The following PRKCH variants were observed in gnomAD, a reference collection of about 807,000 sequenced individuals.
The protein encoded by PRKCH is protein kinase C eta, also known as protein kinase C eta type.
A neutral mutation model predicts 82.5 loss-of-function variants in PRKCH; 28 were observed. The ratio of observed to expected loss-of-function variants is 0.34; its 90% confidence interval spans 0.25 to 0.47. The LOEUF (loss-of-function observed/expected upper bound fraction) is 0.47. Among genes scored for constraint, PRKCH ranks in the 20% least tolerant of loss-of-function variants. PRKCH has a pLI of 1.00. For synonymous variants in PRKCH, 322 were observed against 327.4 expected (o/e 0.98, Z 0.18); for missense variants, 705 against 881.8 (o/e 0.80, Z 2.54).
chr14:61,280,312 G>A lies in PRKCH; in HGVS notation c.-19+92644G>A. On this transcript the variant is annotated intron_variant, in intron 1 of 3. Transcript: ENST00000555185. The surrounding 1 kb of genome is among the most constrained non-coding windows in gnomAD (Gnocchi z 5.0). ...GATGTTGACGCGGTAGGCGCCCCGC[G>A]GCAGCCCGGCCGAGTAGTTGCCCTG... The A allele has an allele frequency of 6.2e-7, 1 of 1,613,904 alleles. No homozygotes were observed. Among genetic ancestry groups the A allele is most frequent in the Non-Finnish European group, 8.5e-7 (1 of 1,179,980 alleles).
At chr14:61,499,050 C>T (rs1468338444) in intron 10 of PRKCH, among the ~76,000 whole-genome samples, 4 of 152,068 alleles carry the variant, frequency 2.6e-5, no homozygotes, top group African/African-American at 7.3e-5. Flanking sequence ...TAGACCGAGG[C>T]GTTGTCATGC....
rs577792318 is a variant in PRKCH, at chr14:61,510,416, G to T, written c.1434-18659G>T. On this transcript the variant is annotated intron_variant, in intron 10 of 13. Coordinates refer to ENST00000332981, the MANE Select transcript of PRKCH (RefSeq NM_006255.5). Reference sequence around the variant, plus strand: ...GGGCAAGCCAGTAATGGTGGGAAGAGAAAGGAAAAGAGGAGGGGGAGCGAT... The same window carrying T: ...GGGCAAGCCAGTAATGGTGGGAAGATAAAGGAAAAGAGGAGGGGGAGCGAT... Among the ~76,000 whole-genome samples, 6 of 152,116 alleles carry T rather than the reference G, an allele frequency of 3.9e-5. No homozygotes were observed. In the East Asian group the frequency reaches 1.2e-3, roughly 29 times the overall value.
chr14:61,457,400 C>T, intron 8 of PRKCH, 81 bp downstream of exon 8: 1 of 1,587,214 alleles, frequency 6.3e-7, no homozygotes, highest in Non-Finnish European at 8.6e-7. Context: ...CACGCATGCG[C>T]ACATACTCAC....
chr14:61,430,104 T>C (rs1275546569), intron 2 of PRKCH, among the ~76,000 whole-genome samples: 7 of 152,110 alleles, frequency 4.6e-5, no homozygotes, highest in Non-Finnish European at 1.0e-4. Flanking sequence ...TCCCCCTAAA[T>C]AAAGTCATGA....
intron 1 of PRKCH, chr14:61,354,080 G>A (rs2140152630): frequency 6.6e-6 from 1 of 152,240 alleles, no homozygotes; most frequent in African/African-American, 2.4e-5. Context: ...TTCCTAAGGG[G>A]ACCAAAATGA....
chr14:61,512,816 T>A (rs999345956), intron 10 of PRKCH, among the ~76,000 whole-genome samples: 16 of 152,260 alleles, frequency 1.1e-4, no homozygotes, highest in African/African-American at 2.4e-4. Flanking sequence ...GGGGGTTTTT[T>A]AAATAAGTTT....
chr14:61,315,738 A>T (rs1288418781), intron 1 of PRKCH, among the ~76,000 whole-genome samples: 5 of 142,568 alleles, frequency 3.5e-5, no homozygotes, highest in African/African-American at 1.3e-4. Flanking sequence ...CTAGTTTTCA[A>T]ATGTTATTTA....
intron 10 of PRKCH, among the ~76,000 whole-genome samples, chr14:61,519,441 A>T (rs1313759909): frequency 6.6e-6 from 1 of 152,138 alleles, no homozygotes; most frequent in East Asian, 1.9e-4. Flanking sequence ...ACCAGATTCA[A>T]ATAGGAGTCA....
chr14:61,253,970 C>CCCT (rs2140074801), intron 1 of PRKCH, among the ~76,000 whole-genome samples: 1 of 125,756 alleles, frequency 8.0e-6, no homozygotes, highest in East Asian at 2.6e-4. Flanking sequence ...CTTCTTCCCT[C>CCCT]CCTCCCTCCT....
At chr14:61,341,700 C>T (rs542885357) in intron 1 of PRKCH, among the ~76,000 whole-genome samples, 1 of 152,338 alleles carries the variant, frequency 6.6e-6, no homozygotes, top group Admixed American at 6.5e-5. Flanking sequence ...GTTCTGTCTT[C>T]AGGGAAAGTC....
intron 4 of PRKCH, among the ~76,000 whole-genome samples, chr14:61,447,176 G>T (rs1884267000): frequency 6.6e-6 from 1 of 151,766 alleles, no homozygotes; most frequent in Admixed American, 6.5e-5. Flanking sequence ...AACAATAAAG[G>T]GGTCAGTTTT....
intron 1 of PRKCH, among the ~76,000 whole-genome samples, chr14:61,213,962 C>A (rs1449324216): frequency 6.6e-6 from 1 of 152,096 alleles, no homozygotes; most frequent in African/African-American, 2.4e-5. Flanking sequence ...AGTTTAGAGA[C>A]AACTTAGAGG....
At chr14:61,487,801 G>A (rs938703225) in intron 10 of PRKCH, among the ~76,000 whole-genome samples, 2 of 148,980 alleles carry the variant, frequency 1.3e-5, no homozygotes, top group South Asian at 2.2e-4. Flanking sequence ...GAGGCCAGCC[G>A]GGGCAACATA....
At chr14:61,431,109 A>G (rs1883371987) in intron 2 of PRKCH, among the ~76,000 whole-genome samples, 1 of 152,176 alleles carries the variant, frequency 6.6e-6, no homozygotes, top group African/African-American at 2.4e-5. Context: ...TCAAACTTGC[A>G]TGCTAAGAGA....
At chr14:61,357,104 TCC>T (rs1470845107) in intron 1 of PRKCH, among the ~76,000 whole-genome samples, 1 of 152,198 alleles carries the variant, frequency 6.6e-6, no homozygotes, top group Non-Finnish European at 1.5e-5. Context: ...TGGTCAGTAC[TCC>T]CAATTCTATG....
At chr14:61,317,231 C>T (rs2045569594), upstream of PRKCH, among the ~76,000 whole-genome samples, 1 of 152,146 alleles carries the variant, frequency 6.6e-6, no homozygotes, top group Non-Finnish European at 1.5e-5. Context: ...TAAACAAGCC[C>T]TTCTTCTAGT....
intron 2 of PRKCH, among the ~76,000 whole-genome samples, chr14:61,437,866 G>A (rs1439017555): frequency 2.0e-5 from 3 of 152,002 alleles, no homozygotes; most frequent in Non-Finnish European, 4.4e-5. Flanking sequence ...GGAGGCCGAG[G>A]CAGGAGGATC....
At chr14:61,191,615 G>A (rs887727534) in intron 1 of PRKCH, among the ~76,000 whole-genome samples, 1 of 151,810 alleles carries the variant, frequency 6.6e-6, no homozygotes, top group African/African-American at 2.4e-5. Flanking sequence ...GGAGGTTGCG[G>A]TAAGCTGAGA....
At chr14:61,275,855 G>A (rs951657795) in intron 1 of PRKCH, among the ~76,000 whole-genome samples, 6 of 152,048 alleles carry the variant, frequency 3.9e-5, no homozygotes, top group African/African-American at 7.2e-5. Context: ...ACATGAACTC[G>A]GACAGCAAAG....
Sources: gnomAD v4.1 joint callset for allele counts (sites outside exome capture counted in the v4.1 genomes callset) on GRCh38, gnomAD v4.1.1 for gene constraint, Gnocchi (gnomAD v3.1) non-coding constraint, MANE v1.5 for transcripts, NCBI Gene and HGNC (gene_info 2026-07-23, HGNC 2026-07-21) for gene names.